The following SEMA3A variants were observed in gnomAD, a reference collection of about 807,000 sequenced individuals.
The protein encoded by SEMA3A is semaphorin 3A, also known as semaphorin-3A.
A neutral mutation model predicts 97.9 loss-of-function variants in SEMA3A; 29 were observed. That is an observed-to-expected ratio of 0.30 (90% CI 0.22 to 0.40). SEMA3A has a LOEUF of 0.40. Ranked by LOEUF, SEMA3A falls within the 10% of genes least tolerant of loss-of-function variation. SEMA3A has a pLI of 1.00. For synonymous variants in SEMA3A, 321 were observed against 323.7 expected (o/e 0.99, Z 0.09); for missense variants, 763 against 951.3 (o/e 0.80, Z 2.60).
intron 3 of SEMA3A, among the ~76,000 whole-genome samples, chr7:84,249,408 T>TATCTATC (rs1554351600): frequency 5.3e-5 from 8 of 151,822 alleles, no homozygotes; most frequent in Non-Finnish European, 8.8e-5. Context: ...TCTATCTATC[T>TATCTATC]ATCTATCTAT....
At chr7:84,005,809 C>T (rs1443820259) in intron 10 of SEMA3A, among the ~76,000 whole-genome samples, 5 of 151,806 alleles carry the variant, frequency 3.3e-5, no homozygotes, top group Admixed American at 6.6e-5. Flanking sequence ...ATTAGCTGGG[C>T]GTGATGGTGC....
chr7:84,135,507 A>G (rs79015483), intron 1 of SEMA3A, among the ~76,000 whole-genome samples: 3,147 of 152,272 alleles, frequency 0.021, 101 homozygotes, highest in African/African-American at 0.071. Context: ...TAACTTGTCT[A>G]TACACACTGA....
At chr7:84,307,419 G>T (rs768814770) in intron 2 of SEMA3A, 2 of 152,118 alleles carry the variant, frequency 1.3e-5, no homozygotes, top group African/African-American at 4.8e-5. Context: ...TATCTTGTGT[G>T]GGATAATGTA....
chr7:84,243,279 G>A lies in SEMA3A; in HGVS notation c.-82-48611C>T, dbSNP rs552498979. On this transcript the variant is annotated intron_variant, in intron 3 of 3. Transcript: ENST00000424555. ...TTCGGCTGTGAATCTGTCTGGTCCC[G>A]GGAATTTTTGTTGGTAGGCTATTAA... 2.1e-3 allele frequency among the ~76,000 whole-genome samples: 325 copies of A among 152,032 alleles called. 1 individual carries two copies. Among genetic ancestry groups the A allele is most frequent in the Non-Finnish European group, 2.4e-3 (163 of 67,920 alleles).
At chr7:84,094,129 T>C (rs1405178168) in intron 4 of SEMA3A, among the ~76,000 whole-genome samples, 1 of 151,380 alleles carries the variant, frequency 6.6e-6, no homozygotes, top group Non-Finnish European at 1.5e-5. Context: ...AGGGGAGAGG[T>C]GGAGAGAGTG....
At chr7:84,260,332 T>G (rs1799818895) in intron 3 of SEMA3A, among the ~76,000 whole-genome samples, 1 of 152,138 alleles carries the variant, frequency 6.6e-6, no homozygotes, top group African/African-American at 2.4e-5. Context: ...GGATGCCAGC[T>G]GCAGGAGGAG....
chr7:83,961,289 A>T lies in SEMA3A; in HGVS notation c.*82T>A. ...AACATCCACATAATGCCATGAAAAA[A>T]GTTCATGTATATTGCATTTGTTTTT... On this transcript the variant is annotated 3_prime_UTR_variant, in exon 17 of 17. Coordinates refer to ENST00000265362, the MANE Select transcript of SEMA3A (RefSeq NM_006080.3). 8 of 1,065,530 alleles carry T rather than the reference A, an allele frequency of 7.5e-6. No individual in the cohort carries two copies. Among genetic ancestry groups the T allele is most frequent in the South Asian group, 1.4e-5 (1 of 74,026 alleles). The allele number at this position is 1,065,530 out of a possible 1,614,324, so 66.0% of individuals were successfully genotyped here.
intron 14 of SEMA3A, among the ~76,000 whole-genome samples, chr7:83,977,600 CT>C (rs528409676): frequency 4.3e-4 from 66 of 151,830 alleles, no homozygotes; most frequent in East Asian, 3.3e-3. Flanking sequence ...GTAAATTAAA[CT>C]TTTTTTCTGA....
At chr7:84,333,272 C>T (rs1801949145) in intron 2 of SEMA3A, among the ~76,000 whole-genome samples, 1 of 152,108 alleles carries the variant, frequency 6.6e-6, no homozygotes, top group African/African-American at 2.4e-5. Flanking sequence ...GGTGTTTTCA[C>T]CTCTGCTAGA....
chr7:84,337,141 T>C (rs956956679), intron 2 of SEMA3A, among the ~76,000 whole-genome samples: 1 of 152,154 alleles, frequency 6.6e-6, no homozygotes. Flanking sequence ...ATAGCATTGA[T>C]ATGAGGATTA....
intron 6 of SEMA3A, among the ~76,000 whole-genome samples, chr7:84,034,988 C>G (rs1791890638): frequency 6.6e-6 from 1 of 151,988 alleles, no homozygotes; most frequent in Non-Finnish European, 1.5e-5. Flanking sequence ...GGTTTACTTT[C>G]TAGTGGAACT....
At chr7:84,267,508 C>A (rs968279308) in intron 3 of SEMA3A, among the ~76,000 whole-genome samples, 2 of 151,984 alleles carry the variant, frequency 1.3e-5, no homozygotes, top group African/African-American at 4.8e-5. Flanking sequence ...GATTTGTAAA[C>A]AATATTTCAT....
At chr7:84,233,986 G>C (rs1195002863) in intron 3 of SEMA3A, among the ~76,000 whole-genome samples, 1 of 150,990 alleles carries the variant, frequency 6.6e-6, no homozygotes, top group African/African-American at 2.4e-5. Flanking sequence ...AAAAAAAAAA[G>C]CCTCATTTTT....
At position 84,327,726 on chromosome 7, in the gene SEMA3A, T is replaced by C. The variant is rs922820012; in HGVS notation, c.-168-20434A>G. On this transcript the variant is annotated intron_variant, in intron 2 of 3. Coordinates refer to the SEMA3A transcript ENST00000424555. Reference sequence around the variant, plus strand: ...TAAACTAGCTCCAATTTTATAACTTTCACCACTGCTAGCTAATGCAAGTAA... The same window carrying C: ...TAAACTAGCTCCAATTTTATAACTTCCACCACTGCTAGCTAATGCAAGTAA... Among the ~76,000 whole-genome samples the C allele has an allele frequency of 6.6e-5, 10 of 152,132 alleles. No homozygotes were observed. The East Asian group carries it at 1.5e-3, about 23-fold the overall frequency.
intron 15 of SEMA3A, among the ~76,000 whole-genome samples, chr7:83,975,690 G>A (rs1004839675): frequency 5.3e-5 from 8 of 152,076 alleles, no homozygotes; most frequent in African/African-American, 2.4e-5. Context: ...GATTGGTTCA[G>A]TTACATTCTC....
intron 1 of SEMA3A, among the ~76,000 whole-genome samples, chr7:84,400,584 C>T (rs1418558294): frequency 3.9e-5 from 6 of 151,910 alleles, no homozygotes; most frequent in Admixed American, 2.6e-4. Flanking sequence ...TTGAAAGTTA[C>T]ATAGAGGAGA....
At chr7:84,299,968 G>C (rs1165149295) in intron 3 of SEMA3A, among the ~76,000 whole-genome samples, 1 of 146,656 alleles carries the variant, frequency 6.8e-6, no homozygotes, top group Non-Finnish European at 1.5e-5. Context: ...GGAGGCGGAG[G>C]TTGTGGTGAG....
chr7:84,402,748 A>G (rs1173001568), intron 1 of SEMA3A, among the ~76,000 whole-genome samples: 1 of 152,244 alleles, frequency 6.6e-6, no homozygotes, highest in African/African-American at 2.4e-5. Flanking sequence ...AAAGAATAAT[A>G]TTCTATTACT....
At chr7:84,325,284 G>A (rs1001014822) in intron 2 of SEMA3A, among the ~76,000 whole-genome samples, 2 of 152,034 alleles carry the variant, frequency 1.3e-5, no homozygotes, top group African/African-American at 4.8e-5. Flanking sequence ...AAAAGAAATA[G>A]ACAATCAACT....
Sources: allele counts gnomAD v4.1 joint callset (sites outside exome capture counted in the v4.1 genomes callset), GRCh38; gene constraint gnomAD v4.1.1; transcripts MANE v1.5; gene names NCBI Gene and HGNC (gene_info 2026-07-23, HGNC 2026-07-21).